The following UBN2 variants were observed in gnomAD, a reference collection of about 807,000 sequenced individuals.
UBN2 encodes the protein ubinuclein-2.
UBN2 carries 35 observed loss-of-function variants against 120.2 expected under a neutral mutation model. That is an observed-to-expected ratio of 0.29 (90% CI 0.22 to 0.39). The LOEUF (loss-of-function observed/expected upper bound fraction) is 0.39. Ranked by LOEUF, UBN2 falls within the 10% of genes least tolerant of loss-of-function variation. The pLI is 1.00. For synonymous variants in UBN2, 661 were observed against 648.7 expected (o/e 1.02, Z -0.29); for missense variants, 1,693 against 1,663.2 (o/e 1.02, Z -0.31).
intron 3 of UBN2, among the ~76,000 whole-genome samples, chr7:139,254,032 G>A (rs750446701): frequency 3.3e-5 from 5 of 152,118 alleles, no homozygotes; most frequent in Non-Finnish European, 7.4e-5. Context: ...GGTGGCTCAC[G>A]CCTGTAATCC....
intron 6 of UBN2, among the ~76,000 whole-genome samples, chr7:139,262,706 T>TC (rs1563212480): frequency 7.4e-6 from 1 of 134,328 alleles, no homozygotes; most frequent in East Asian, 2.1e-4. Flanking sequence ...AGAGCAAGAC[T>TC]CCATCTCAAA....
At chr7:139,294,393 C>T (rs1208801747) in intron 17 of UBN2, among the ~76,000 whole-genome samples, 1 of 152,198 alleles carries the variant, frequency 6.6e-6, no homozygotes, top group Non-Finnish European at 1.5e-5. Flanking sequence ...TTACCAATCA[C>T]GAAACTGAAT....
At chr7:139,325,360 C>T in the UBN2 span, among the ~76,000 whole-genome samples, 1 of 149,716 alleles carries the variant, frequency 6.7e-6, no homozygotes, top group African/African-American at 2.5e-5. Context: ...CTCCGCCTCC[C>T]GGGTTCAAGT....
chr7:139,235,130 A>G (rs1796130241), intron 1 of UBN2, among the ~76,000 whole-genome samples: 1 of 152,202 alleles, frequency 6.6e-6, no homozygotes, highest in Non-Finnish European at 1.5e-5. Context: ...AGAATGGCAT[A>G]TAAGGTGATT....
chr7:139,297,730 G>A (rs1295675658), intron 17 of UBN2, 57 bp from the exon 18 acceptor site: 4 of 1,538,060 alleles, frequency 2.6e-6, no homozygotes, highest in Non-Finnish European at 3.6e-6. Context: ...CTTTGTTTTT[G>A]TTAGCTGGTT....
chr7:139,257,739 T>C (rs1796803892), intron 3 of UBN2, among the ~76,000 whole-genome samples: 1 of 151,954 alleles, frequency 6.6e-6, no homozygotes. Context: ...TTTAAAGTTT[T>C]CTCCACTTAA....
At chr7:139,297,168 T>C (rs1028237330) in intron 17 of UBN2, among the ~76,000 whole-genome samples, 1 of 139,460 alleles carries the variant, frequency 7.2e-6, no homozygotes, top group Admixed American at 8.0e-5. Context: ...CACTCCAGCC[T>C]GGGCGACAGA....
At chr7:139,251,629 G>C (rs557247599) in intron 2 of UBN2, among the ~76,000 whole-genome samples, 1 of 152,204 alleles carries the variant, frequency 6.6e-6, no homozygotes, top group Non-Finnish European at 1.5e-5. Context: ...CTACTGAGAA[G>C]ATCACAGAGG....
At chr7:139,277,300 A>T (rs1442551240) in intron 12 of UBN2, 2 of 152,168 alleles carry the variant, frequency 1.3e-5, no homozygotes, top group Non-Finnish European at 2.9e-5. Context: ...TCACCCCCTC[A>T]TCCCACACAG....
the UBN2 span, among the ~76,000 whole-genome samples, chr7:139,325,316 G>A: frequency 7.3e-6 from 1 of 136,962 alleles, no homozygotes; most frequent in African/African-American, 2.8e-5. Flanking sequence ...CACTCAGGCT[G>A]GAGTGCAATG....
At chr7:139,290,312 A>G (rs575227413) in intron 15 of UBN2, among the ~76,000 whole-genome samples, 3 of 152,278 alleles carry the variant, frequency 2.0e-5, no homozygotes, top group Admixed American at 2.0e-4. Context: ...CTAACTTGGT[A>G]ATTTTTTCCT....
chr7:139,328,015 A>G, the UBN2 span, among the ~76,000 whole-genome samples: 1 of 152,222 alleles, frequency 6.6e-6, no homozygotes, highest in Non-Finnish European at 1.5e-5. Context: ...GGACAGATTA[A>G]TTCATTCTCC....
rs543402500 is a variant in UBN2, at chr7:139,294,253, A to G, written c.3994+272A>G. Among the ~76,000 whole-genome samples the G allele has an allele frequency of 2.6e-4, 40 of 152,346 alleles. No homozygotes were observed. The South Asian group carries it at 8.3e-3, about 32-fold the overall frequency. On this transcript the variant is annotated intron_variant, in intron 17 of 17. Coordinates refer to ENST00000473989, the MANE Select transcript of UBN2 (RefSeq NM_173569.4). ...AGGATTCATAAGATAGTTAAAAGTTATGTACAGTAATGATAGTAGTTTACA... is the reference window on the plus strand; with the variant it reads ...AGGATTCATAAGATAGTTAAAAGTTGTGTACAGTAATGATAGTAGTTTACA...
chr7:139,252,201 C>A, intron 3 of UBN2, 144 bp downstream of exon 3: 4 of 552,704 alleles, frequency 7.2e-6, no homozygotes, highest in Admixed American at 3.5e-5. Flanking sequence ...GATTTCTTTA[C>A]CCTTTTTTTT....
intron 1 of UBN2, among the ~76,000 whole-genome samples, chr7:139,232,586 C>T (rs989524849): frequency 2.0e-5 from 3 of 152,136 alleles, no homozygotes; most frequent in African/African-American, 7.2e-5. Context: ...ACTAATTTTT[C>T]TCTCGTGTTG....
rs755877425 is a variant in UBN2 at position 139,283,073 on chromosome 7, C to T, written c.2168C>T (p.Ser723Leu). Residue 723 changes from serine to leucine, a missense_variant, in exon 15 of 18, where the codon TCG becomes TTG. Around this residue, in one of 5 missense-constraint regions of UBN2, gnomAD observed 837 missense variants for 817.6 expected, o/e 1.02. Transcript: ENST00000473989. ...DQKTPTSLVA[S>L]VSGPPTSSST... is the part of the protein sequence containing the mutation. ...AAAACTCCAACATCCCTGGTGGCTTCGGTTAGCGGTCCTCCAACGAGCTCC... is the reference window on the plus strand; with the variant it reads ...AAAACTCCAACATCCCTGGTGGCTTTGGTTAGCGGTCCTCCAACGAGCTCC... The T allele has an allele frequency of 2.0e-5, 33 of 1,612,150 alleles. No homozygotes were observed. The African/African-American group carries it at 2.5e-4, about 12-fold the overall frequency.
chr7:139,254,731 A>G (rs1796711685), intron 3 of UBN2, among the ~76,000 whole-genome samples: 1 of 152,250 alleles, frequency 6.6e-6, no homozygotes, highest in Non-Finnish European at 1.5e-5. Flanking sequence ...CCATATATAA[A>G]TGGGCATCAC....
chr7:139,287,022 GAAATA>G (rs1032756700), intron 15 of UBN2, among the ~76,000 whole-genome samples: 7 of 151,590 alleles, frequency 4.6e-5, no homozygotes, highest in African/African-American at 1.5e-4. Flanking sequence ...ACTTTCATCA[GAAATA>G]AAATAATAAA....
At chr7:139,253,531 T>C (rs1340208353) in intron 3 of UBN2, among the ~76,000 whole-genome samples, 1 of 152,248 alleles carries the variant, frequency 6.6e-6, no homozygotes, top group Non-Finnish European at 1.5e-5. Context: ...CAATTCTTTA[T>C]TGCTGCCATG....
Sources: allele counts gnomAD v4.1 joint callset (sites outside exome capture counted in the v4.1 genomes callset), GRCh38; gene constraint gnomAD v4.1.1; regional missense constraint gnomAD v4.1.1; transcripts MANE v1.5; gene names NCBI Gene and HGNC (gene_info 2026-07-23, HGNC 2026-07-21).